Variants in STMP1 observed in about 807,000 individuals in gnomAD.
STMP1 encodes short transmembrane mitochondrial protein 1, also known as mitolamban.
In STMP1, 7 loss-of-function variants were observed where a neutral mutation model predicts 7.0. The ratio of observed to expected loss-of-function variants is 1.01; its 90% CI spans 0.57 to 1.89. STMP1 has a LOEUF of 1.89. Ranked by LOEUF, STMP1 falls within the 40% of genes most tolerant of loss-of-function variation. The pLI is 0.00. For synonymous variants in STMP1, 19 were observed against 18.4 expected (o/e 1.03, Z -0.08); for missense variants, 45 against 53.0 (o/e 0.85, Z 0.47).
rs1795407233 is a variant in STMP1 at position 135,675,780 on chromosome 7, A to G, written c.*1615A>G. 6.6e-6 allele frequency: 1 copy of G among 152,146 alleles called. No individual in the cohort carries two copies. Among genetic ancestry groups the G allele is most frequent in the African/African-American group, 2.4e-5 (1 of 41,430 alleles). The allele number at this position is 152,146 out of a possible 1,614,324, so 9.4% of individuals were successfully genotyped here. A position where few individuals can be genotyped will look rare whatever the true frequency, so the allele number is the denominator to read the frequency against. On this transcript the variant is annotated 3_prime_UTR_variant, in exon 3 of 3. Transcript: ENST00000507606. Reference sequence around the variant, plus strand: ...ATGACATTGATTCTGTATATGATAAAGTGATTCTGCTTCTCTTTGACAACT... The same window carrying G: ...ATGACATTGATTCTGTATATGATAAGGTGATTCTGCTTCTCTTTGACAACT...
intron 1 of STMP1, among the ~76,000 whole-genome samples, chr7:135,663,617 T>C (rs2129493135): frequency 6.6e-6 from 1 of 152,274 alleles, no homozygotes; most frequent in Non-Finnish European, 1.5e-5. Context: ...GTGCTGGGAT[T>C]ACAGGCGTGA....
At position 135,674,322 on chromosome 7, in the gene STMP1, G is replaced by A; in HGVS notation, c.*157G>A. On this transcript the variant is annotated 3_prime_UTR_variant, in exon 3 of 3. Coordinates refer to ENST00000507606, the MANE Select transcript of STMP1 (RefSeq NM_001130929.2). ...TTTTGCTTTAAAGCAAGCAAAATGG[G>A]GCCCCAATTTGAGAACTACCCGACA... 3.4e-6 allele frequency: 2 copies of A among 581,792 alleles called. No individual in the cohort carries two copies. Among genetic ancestry groups the A allele is most frequent in the Non-Finnish European group, 6.0e-6 (2 of 331,972 alleles). The allele number at this position is 581,792 out of a possible 1,614,324, so 36.0% of individuals were successfully genotyped here.
At position 135,674,832 on chromosome 7, in the gene STMP1, C is replaced by T. The variant is rs988167373; in HGVS notation, c.*667C>T. On this transcript the variant is annotated 3_prime_UTR_variant, in exon 3 of 3. Coordinates refer to ENST00000507606, the MANE Select transcript of STMP1 (RefSeq NM_001130929.2). ...TAGTCTATTTAGTGTGCATGTTTTTCCTTAATGATGTATTTGATCTGACTT... is the reference window on the plus strand; with the variant it reads ...TAGTCTATTTAGTGTGCATGTTTTTTCTTAATGATGTATTTGATCTGACTT... 7 of 152,062 alleles carry T rather than the reference C, an allele frequency of 4.6e-5. No individual in the cohort carries two copies. The highest frequency in any genetic ancestry group is 1.5e-5 in the Non-Finnish European group (1 of 68,018). The allele number at this position is 152,062 out of a possible 1,614,324, so 9.4% of individuals were successfully genotyped here.
chr7:135,673,667 A>G (rs1041961933), intron 2 of STMP1, among the ~76,000 whole-genome samples: 1 of 152,226 alleles, frequency 6.6e-6, no homozygotes, highest in Non-Finnish European at 1.5e-5. Flanking sequence ...GGCCGGGTGC[A>G]GTGGCTCACG....
rs1038140688 is a variant in STMP1, at chr7:135,675,025, T to C, written c.*860T>C. The C allele has an allele frequency of 2.0e-5, 3 of 152,222 alleles. No individual in the cohort carries two copies. Among genetic ancestry groups the C allele is most frequent in the Non-Finnish European group, 2.9e-5 (2 of 68,044 alleles). The allele number at this position is 152,222 out of a possible 1,614,324, so 9.4% of individuals were successfully genotyped here. ...TAAGAAAAAATATAGCCCAAATGTATAGTAAAATCAGCAGCTCAAGAAGAA... is the reference window on the plus strand; with the variant it reads ...TAAGAAAAAATATAGCCCAAATGTACAGTAAAATCAGCAGCTCAAGAAGAA... On this transcript the variant is annotated 3_prime_UTR_variant, in exon 3 of 3. Transcript: ENST00000507606.
chr7:135,669,436 T>C (rs1270255025), intron 1 of STMP1, among the ~76,000 whole-genome samples: 1 of 152,274 alleles, frequency 6.6e-6, no homozygotes, highest in African/African-American at 2.4e-5. Flanking sequence ...TCTGTTGTTA[T>C]ATAACTATTT....
intron 1 of STMP1, among the ~76,000 whole-genome samples, chr7:135,664,968 T>C (rs940018628): frequency 9.2e-5 from 14 of 152,210 alleles, no homozygotes; most frequent in Non-Finnish European, 1.9e-4. Flanking sequence ...GGGTGGGCTA[T>C]TGAAATTTTC....
chr7:135,669,877 A>G (rs1795339395), intron 1 of STMP1, among the ~76,000 whole-genome samples: 3 of 152,224 alleles, frequency 2.0e-5, no homozygotes, highest in Admixed American at 1.3e-4. Context: ...ATGAGTTATG[A>G]TGAAATGTAG....
chr7:135,665,918 T>C lies in STMP1; in HGVS notation c.15+3324T>C, dbSNP rs535720961. ...TTGTAATCTGTTGCTTTTTTTTTTT[T>C]TGAGACAGAATCTCACTCTGTCACC... On this transcript the variant is annotated intron_variant, in intron 1 of 2. Transcript: ENST00000507606. 2.0e-5 allele frequency among the ~76,000 whole-genome samples: 3 copies of C among 151,968 alleles called. No individual in the cohort carries two copies. In the South Asian group the frequency reaches 6.3e-4, roughly 32 times the overall value.
At chr7:135,667,456 C>T (rs1795308965) in intron 1 of STMP1, among the ~76,000 whole-genome samples, 1 of 152,152 alleles carries the variant, frequency 6.6e-6, no homozygotes, top group Non-Finnish European at 1.5e-5. Flanking sequence ...CAGGTGATCC[C>T]CCAACCTTGG....
chr7:135,662,684 C>G, intron 1 of STMP1, 90 bp downstream of exon 1: 6 of 1,454,792 alleles, frequency 4.1e-6, no homozygotes, highest in Non-Finnish European at 5.5e-6. Context: ...CCCGCCGACC[C>G]GGCCTGGGCG....
chr7:135,673,068 C>T (rs111622780), intron 2 of STMP1: 168 of 441,662 alleles, frequency 3.8e-4, no homozygotes, highest in African/African-American at 3.1e-3. Flanking sequence ...GCTTGTTAGC[C>T]GAGAGTAATA....
In STMP1 at chr7:135,674,796, A is replaced by G. The variant is rs796978014; in HGVS notation, c.*631A>G. 1 of 152,248 alleles carries G rather than the reference A, an allele frequency of 6.6e-6. No individual in the cohort carries two copies. Among genetic ancestry groups the G allele is most frequent in the African/African-American group, 2.4e-5 (1 of 41,472 alleles). The allele number at this position is 152,248 out of a possible 1,614,324, so 9.4% of individuals were successfully genotyped here. A position where few individuals can be genotyped will look rare whatever the true frequency, so the allele number is the denominator to read the frequency against. On this transcript the variant is annotated 3_prime_UTR_variant, in exon 3 of 3. Coordinates refer to ENST00000507606, the MANE Select transcript of STMP1 (RefSeq NM_001130929.2). ...TACACAAAATAATGGTCTTTGTCCC[A>G]GTAGAGTTCATAGTCTATTTAGTGT...
rs1795415048 is a variant in STMP1, at chr7:135,676,339, A to C, written c.*2174A>C. On this transcript the variant is annotated 3_prime_UTR_variant, in exon 3 of 3. Transcript: ENST00000507606. ...ATATCCACCTCATAGGGTTTTCATA[A>C]AAAATAATTGAGATAATGTATGTAA... 1 of 152,220 alleles carries C rather than the reference A, an allele frequency of 6.6e-6. No homozygotes were observed. The highest frequency in any genetic ancestry group is 1.5e-5 in the Non-Finnish European group (1 of 68,030). The allele number at this position is 152,220 out of a possible 1,614,324, so 9.4% of individuals were successfully genotyped here.
At chr7:135,667,242 G>A (rs559280294) in intron 1 of STMP1, among the ~76,000 whole-genome samples, 12 of 152,076 alleles carry the variant, frequency 7.9e-5, no homozygotes, top group Non-Finnish European at 1.3e-4. Context: ...ACGGAGTCTC[G>A]CTTTGTCGCC....
chr7:135,664,507 C>T (rs10808282), intron 1 of STMP1, among the ~76,000 whole-genome samples: 48,350 of 151,786 alleles, frequency 0.32, 8,051 homozygotes, highest in Middle Eastern at 0.51. Flanking sequence ...GCCCGCACTA[C>T]CACCCGTGAC....
chr7:135,673,180 G>T (rs1182517573), intron 2 of STMP1: 3 of 219,670 alleles, frequency 1.4e-5, no homozygotes, highest in Non-Finnish European at 2.7e-5. Flanking sequence ...TAGTAGAGAT[G>T]ACTTAGAATT....
chr7:135,664,143 GAC>G (rs1331667569), intron 1 of STMP1, among the ~76,000 whole-genome samples: 1 of 152,124 alleles, frequency 6.6e-6, no homozygotes, highest in Non-Finnish European at 1.5e-5. Flanking sequence ...TCAGAATAAT[GAC>G]AGTCATTTTC....
rs1320061322 is a variant in STMP1 at position 135,676,129 on chromosome 7, G to A, written c.*1964G>A. 6.6e-6 allele frequency: 1 copy of A among 152,140 alleles called. No homozygotes were observed. Among genetic ancestry groups the A allele is most frequent in the East Asian group, 1.9e-4 (1 of 5,192 alleles). 9.4% of individuals were successfully genotyped at this position (152,140 alleles called of 1,614,324 possible). On this transcript the variant is annotated 3_prime_UTR_variant, in exon 3 of 3. Transcript: ENST00000507606. ...AGGTTTCACCATGTTGGCAAAGCTG[G>A]TCTCAAATTCCTGGCCTCAAGTGAT...
Sources: allele counts gnomAD v4.1 joint callset (sites outside exome capture counted in the v4.1 genomes callset), GRCh38; gene constraint gnomAD v4.1.1; transcripts MANE v1.5; gene names NCBI Gene and HGNC (gene_info 2026-07-23, HGNC 2026-07-21).